Variants in ARHGAP6 observed in about 807,000 individuals in gnomAD.
ARHGAP6 encodes rho GTPase-activating protein 6.
ARHGAP6 carries 16 observed loss-of-function variants against 55.7 expected under a neutral mutation model. That is an observed-to-expected ratio of 0.29 (90% CI 0.19 to 0.44). The LOEUF (loss-of-function observed/expected upper bound fraction) is 0.44, where lower values mean the gene tolerates loss of function less well. ARHGAP6 is among the 20% of genes least tolerant of loss of function. The pLI is 1.00. For missense variants in ARHGAP6, 698 were observed against 808.9 expected, an observed-to-expected ratio of 0.86 and a Z score of 1.66; for synonymous variants, 382 against 360.9, an observed-to-expected ratio of 1.06 and a Z score of -0.66.
intron 1 of ARHGAP6, among the ~76,000 whole-genome samples, chrX:11,454,110 A>ATTTTTTTT (rs1187605203): frequency 4.0e-3 from 310 of 76,688 alleles, no homozygotes; most frequent in African/African-American, 5.5e-3. Context: ...CGCACGGCTA[A>ATTTTTTTT]TTTTTTTTTT....
At chrX:11,423,729 T>C (rs2049850245) in intron 1 of ARHGAP6, among the ~76,000 whole-genome samples, 1 of 112,578 alleles carries the variant, frequency 8.9e-6, no homozygotes, top group Admixed American at 9.3e-5. Flanking sequence ...ACACACATAG[T>C]ACTACTCCCA....
intron 1 of ARHGAP6, among the ~76,000 whole-genome samples, chrX:11,563,065 G>T (rs1275049847): frequency 1.8e-5 from 2 of 111,101 alleles, no homozygotes; most frequent in African/African-American, 6.5e-5. Flanking sequence ...AGAGACATAA[G>T]GGCCATTGAG....
At chrX:11,645,984 T>C (rs1282462530) in intron 1 of ARHGAP6, among the ~76,000 whole-genome samples, 1 of 107,718 alleles carries the variant, frequency 9.3e-6, no homozygotes, top group East Asian at 3.1e-4. Context: ...AGGTCCAGTG[T>C]ATTAAACTGT....
intron 2 of ARHGAP6, among the ~76,000 whole-genome samples, chrX:11,247,028 A>C (rs2047363085): frequency 8.9e-6 from 1 of 112,080 alleles, no homozygotes; most frequent in Non-Finnish European, 1.9e-5. Flanking sequence ...CACAAACTGA[A>C]GACAGCTGCA....
chrX:11,504,370 A>G (rs1362258422), intron 1 of ARHGAP6, among the ~76,000 whole-genome samples: 2 of 111,298 alleles, frequency 1.8e-5, no homozygotes, highest in Non-Finnish European at 3.8e-5. Flanking sequence ...TAACATGTTT[A>G]GCAATATCCC....
chrX:11,174,541 C>T (rs2046143768), intron 8 of ARHGAP6, among the ~76,000 whole-genome samples: 3 of 73,931 alleles, frequency 4.1e-5, no homozygotes, highest in South Asian at 1.9e-3. Flanking sequence ...TTCCTTCCTT[C>T]CTTCCTTCCT....
chrX:11,645,309 A>AG (rs1348962132), intron 1 of ARHGAP6, among the ~76,000 whole-genome samples: 2 of 111,445 alleles, frequency 1.8e-5, no homozygotes, highest in East Asian at 5.6e-4. Flanking sequence ...ATACTCCAAA[A>AG]GAAAAAAAAT....
At chrX:11,592,970 T>C (rs1008361734) in intron 1 of ARHGAP6, among the ~76,000 whole-genome samples, 2 of 111,724 alleles carry the variant, frequency 1.8e-5, no homozygotes, top group African/African-American at 6.5e-5. Flanking sequence ...AAGTAATGTC[T>C]CTGAGTACAA....
chrX:11,339,972 G>A (rs190263607), intron 1 of ARHGAP6, among the ~76,000 whole-genome samples: 1 of 111,659 alleles, frequency 9.0e-6, no homozygotes, highest in East Asian at 2.8e-4. Flanking sequence ...TAAACACTTA[G>A]TCCTGTTGCT....
chrX:11,167,471 G>T (rs1329303764), intron 9 of ARHGAP6, among the ~76,000 whole-genome samples: 2 of 111,481 alleles, frequency 1.8e-5, no homozygotes, highest in Non-Finnish European at 3.8e-5. Context: ...ACAGAGAATG[G>T]CAAACAAAGA....
chrX:11,578,542 G>A (rs1345634841), intron 1 of ARHGAP6, among the ~76,000 whole-genome samples: 3 of 112,004 alleles, frequency 2.7e-5, no homozygotes, highest in East Asian at 5.6e-4. Context: ...AGGTGCTGGA[G>A]AGGATGTGGA....
chrX:11,430,927 C>T (rs1351057529), intron 1 of ARHGAP6, among the ~76,000 whole-genome samples: 1 of 111,673 alleles, frequency 9.0e-6, no homozygotes, highest in African/African-American at 3.3e-5. Context: ...TATCATTCCA[C>T]ACTTTATAAA....
chrX:11,370,435 G>A (rs966450072), intron 1 of ARHGAP6, among the ~76,000 whole-genome samples: 2 of 111,767 alleles, frequency 1.8e-5, no homozygotes, highest in African/African-American at 3.3e-5. Flanking sequence ...CATCTTCAAG[G>A]TCCCTTCTGG....
At chrX:11,274,840 CA>C (rs2147520985) in intron 1 of ARHGAP6, among the ~76,000 whole-genome samples, 1 of 111,153 alleles carries the variant, frequency 9.0e-6, no homozygotes, top group East Asian at 2.8e-4. Context: ...GTCCAGGAAC[CA>C]CATGTTTTTA....
intron 1 of ARHGAP6, among the ~76,000 whole-genome samples, chrX:11,560,869 A>G (rs747254528): frequency 2.5e-4 from 28 of 112,155 alleles, no homozygotes; most frequent in Non-Finnish European, 4.9e-4. Context: ...ACAAATTTCC[A>G]GACAAATTAC....
rs371548649 is a variant in ARHGAP6 at position 11,200,771 on chromosome X, G to A, written c.749-3775C>T. ...GGAAGTCAGATGGAACTCTTGGGTT[G>A]GGTCTGAGCAATGAAGTGCATACCT... On this transcript the variant is annotated intron_variant, in intron 2 of 12. Coordinates refer to ENST00000337414, the MANE Select transcript of ARHGAP6 (RefSeq NM_013427.3). Among the ~76,000 whole-genome samples the A allele has an allele frequency of 6.0e-4, 67 of 112,320 alleles. 1 individual carries two copies. Among genetic ancestry groups the A allele is most frequent in the African/African-American group, 1.8e-3 (57 of 30,976 alleles).
chrX:11,443,785 G>A (rs976859626), intron 1 of ARHGAP6, among the ~76,000 whole-genome samples: 9 of 111,387 alleles, frequency 8.1e-5, no homozygotes, highest in South Asian at 7.7e-4. Context: ...AAAATTAGCC[G>A]GTCATGGTGG....
At chrX:11,202,214 CT>C (rs1404536183) in intron 2 of ARHGAP6, among the ~76,000 whole-genome samples, 1 of 110,963 alleles carries the variant, frequency 9.0e-6, no homozygotes, top group Non-Finnish European at 1.9e-5. Flanking sequence ...CTGAGAATTT[CT>C]GTTCACTTGA....
intron 1 of ARHGAP6, among the ~76,000 whole-genome samples, chrX:11,301,956 C>T (rs2048179774): frequency 1.8e-5 from 2 of 112,098 alleles, no homozygotes; most frequent in Non-Finnish European, 3.8e-5. Flanking sequence ...TGGAATCAAT[C>T]CCAGCATTCA....
Sources: allele counts gnomAD v4.1 joint callset (sites outside exome capture counted in the v4.1 genomes callset), GRCh38; gene constraint gnomAD v4.1.1; transcripts MANE v1.5; gene names NCBI Gene and HGNC (gene_info 2026-07-23, HGNC 2026-07-21).